The following ARID1B variants were observed in gnomAD, a reference collection of about 807,000 sequenced individuals.
ARID1B encodes the protein AT-rich interactive domain-containing protein 1B.
ARID1B carries 30 observed loss-of-function variants against 212.3 expected under a neutral mutation model. That is an observed-to-expected ratio of 0.14 (90% CI 0.11 to 0.19). The LOEUF (loss-of-function observed/expected upper bound fraction) is 0.19, where lower values mean the gene tolerates loss of function less well. Among genes scored for constraint, ARID1B ranks in the 10% least tolerant of loss-of-function variants. The probability of loss-of-function intolerance (pLI) is 1.00; values close to 1 mark genes in which losing one functional copy is unlikely to be tolerated. For synonymous variants in ARID1B, 1,402 were observed against 1,301.7 expected, an observed-to-expected ratio of 1.08 and a Z score of -1.66; for missense variants, 2,891 against 3,204.0, an observed-to-expected ratio of 0.90 and a Z score of 2.36.
chr6:157,122,959 G>C (rs1426843128), intron 6 of ARID1B, among the ~76,000 whole-genome samples: 2 of 152,188 alleles, frequency 1.3e-5, no homozygotes, highest in South Asian at 2.1e-4. Flanking sequence ...TGGGATTACA[G>C]GCATGAGCCA....
chr6:156,953,512 A>G (rs1793740372), intron 4 of ARID1B, among the ~76,000 whole-genome samples: 1 of 152,212 alleles, frequency 6.6e-6, no homozygotes, highest in Non-Finnish European at 1.5e-5. Flanking sequence ...AAAAAAAGAA[A>G]AAAATCGGAC....
chr6:157,141,338 T>C (rs76147541), intron 7 of ARID1B: 156 of 152,360 alleles, frequency 1.0e-3, no homozygotes, highest in African/African-American at 3.3e-3. Flanking sequence ...ATAATAGGTC[T>C]TTCTCCTTCT....
Position 156,778,839 on chromosome 6 carries a change from C to A in ARID1B, c.1159C>A (p.Pro387Thr). The change falls in exon 1 of 20, where the codon CCC (proline) becomes ACC (threonine). Residue 387 changes from proline to threonine, a missense_variant. Around this residue, in one of 7 missense-constraint regions of ARID1B, gnomAD observed 1,643 missense variants for 1,544.0 expected, o/e 1.06. Coordinates refer to ENST00000636930, the MANE Select transcript of ARID1B (RefSeq NM_001374828.1). ...QCNHYPGYSRPGAGGGGGGGG... is the reference protein window; with the variant it reads ...QCNHYPGYSRTGAGGGGGGGG... ...CAACCATTATCCGGGCTACAGCCGG[C>A]CCGGCGCGGGCGGCGGCGGCGGCGG... The A allele has an allele frequency of 7.1e-7, 1 of 1,416,266 alleles. No individual in the cohort carries two copies. The highest frequency in any genetic ancestry group is 9.2e-7 in the Non-Finnish European group (1 of 1,082,690). 87.7% of individuals were successfully genotyped at this position (1,416,266 alleles called of 1,614,324 possible).
chr6:157,201,419 C>A lies in ARID1B; in HGVS notation c.5194C>A (p.Pro1732Thr), dbSNP rs2128376746. The A allele has an allele frequency of 6.4e-7, 1 of 1,567,396 alleles. No individual in the cohort carries two copies. The highest frequency in any genetic ancestry group is 8.7e-7 in the Non-Finnish European group (1 of 1,153,232). ...PPPIRREITFPPGSVEASQPV... is the reference protein window; with the variant it reads ...PPPIRREITFTPGSVEASQPV... ...CCCAATCAGAAGGGAGATCACCTTT[C>A]CTCCTGGCTCAGTAGAAGCATCACA... is the stretch of plus-strand genomic sequence containing the variant. Residue 1732 changes from proline (P) to threonine (T), a missense_variant, in exon 18 of 20, where the codon CCT (proline) becomes ACT (threonine). Around this residue, in one of 7 missense-constraint regions of ARID1B, gnomAD observed 666 missense variants for 873.5 expected, o/e 0.76. Coordinates refer to ENST00000636930, the MANE Select transcript of ARID1B (RefSeq NM_001374828.1). This position sits in a 1 kb window ranked among gnomAD's most constrained non-coding sequence, Gnocchi z 5.2.
intron 2 of ARID1B, among the ~76,000 whole-genome samples, chr6:156,879,339 C>T (rs1786855806): frequency 6.6e-6 from 1 of 152,224 alleles, no homozygotes; most frequent in East Asian, 1.9e-4. Flanking sequence ...GACAATCACT[C>T]AGCTGTGGAG....
chr6:156,864,352 T>A lies in ARID1B; in HGVS notation c.1986+34931T>A, dbSNP rs1785536874. On this transcript the variant is annotated intron_variant, in intron 2 of 19. Transcript: ENST00000636930. The stretch of plus-strand genomic sequence containing the variant: ...GTGTGCTTCGGGCAGTGAGTATACC[T>A]TCCATGTCTCCCCTGGGCTCTTGGC... Among the ~76,000 whole-genome samples, 5 of 152,234 alleles carry A rather than the reference T, an allele frequency of 3.3e-5. No individual in the cohort carries two copies. In the South Asian group the frequency reaches 1.0e-3, roughly 32 times the overall value.
intron 6 of ARID1B, among the ~76,000 whole-genome samples, chr6:157,130,111 G>C (rs1470324688): frequency 2.0e-5 from 3 of 152,044 alleles, no homozygotes; most frequent in Non-Finnish European, 4.4e-5. Context: ...GGAGGTTGTA[G>C]TGAGATGAGA....
In ARID1B at chr6:156,778,559, G is replaced by T; in HGVS notation, c.879G>T (p.Thr293=). ...YEHPGLGALG[T]QQPPVAVPGG... is the part of the protein sequence containing the mutation. ...ACCCGGGCTTGGGCGCCCTGGGCAC[G>T]CAGCAGCCGCCGGTCGCCGTGCCCG... The change falls in exon 1 of 20, where the codon ACG becomes ACT. Residue 293 remains threonine, a synonymous_variant. Transcript: ENST00000636930. 3 of 1,233,730 alleles carry T rather than the reference G, an allele frequency of 2.4e-6. No homozygotes were observed. The highest frequency in any genetic ancestry group is 3.0e-6 in the Non-Finnish European group (3 of 991,002). The allele number at this position is 1,233,730 out of a possible 1,614,324, so 76.4% of individuals were successfully genotyped here.
In ARID1B at chr6:157,200,956, G is replaced by A. The variant is rs61745210; in HGVS notation, c.4731G>A (p.Ser1577=). Residue 1577 remains serine, a synonymous_variant, in exon 18 of 20, where the codon TCG becomes TCA. Transcript: ENST00000636930. The surrounding 1 kb of genome is among the most constrained non-coding windows in gnomAD (Gnocchi z 4.3). The stretch of plus-strand genomic sequence containing the variant: ...AGATGATGGGCGGCCCGCTGCAGTC[G>A]TCCTCCAGTGAGGGGCCTCAGCAGA... ...PPQMMGGPLQ[S]SSSEGPQQNM... is the part of the protein sequence containing the mutation. 274 of 1,614,040 alleles carry A rather than the reference G, an allele frequency of 1.7e-4. No individual in the cohort carries two copies. The African/African-American group carries it at 2.4e-3, about 14-fold the overall frequency.
intron 3 of ARID1B, among the ~76,000 whole-genome samples, chr6:156,915,223 AT>A (rs1220755010): frequency 6.6e-6 from 1 of 152,230 alleles, no homozygotes; most frequent in Non-Finnish European, 1.5e-5. Context: ...AGATGCATGT[AT>A]GTGAGCAAAC....
In ARID1B at chr6:157,200,698, A is replaced by T; in HGVS notation, c.4480-7A>T. ...ATCAGGATGATTTGTCTTTCTGTGA[A>T]TTCCAGAATTACAAACGCCATATGG... On this transcript the variant is annotated splice_polypyrimidine_tract_variant and splice_region_variant and intron_variant, in intron 17 of 19. Transcript: ENST00000636930. This position sits in a 1 kb window ranked among gnomAD's most constrained non-coding sequence, Gnocchi z 4.3. 1 of 1,588,630 alleles carries T rather than the reference A, an allele frequency of 6.3e-7. No individual in the cohort carries two copies. Among genetic ancestry groups the T allele is most frequent in the Non-Finnish European group, 8.6e-7 (1 of 1,167,550 alleles).
At chr6:156,795,863 A>G (rs1780334061) in intron 1 of ARID1B, among the ~76,000 whole-genome samples, 1 of 151,884 alleles carries the variant, frequency 6.6e-6, no homozygotes, top group Non-Finnish European at 1.5e-5. Flanking sequence ...ATAAAACTAC[A>G]TCTCACAGCT....
chr6:157,179,066 G>A (rs772067222), intron 11 of ARID1B, among the ~76,000 whole-genome samples: 4 of 152,202 alleles, frequency 2.6e-5, no homozygotes, highest in Admixed American at 6.5e-5. Context: ...CAAGAGGGAA[G>A]TTGTTTTACT....
At chr6:157,039,705 C>CT (rs370954473) in intron 4 of ARID1B, among the ~76,000 whole-genome samples, 3 of 78,272 alleles carry the variant, frequency 3.8e-5, no homozygotes, top group African/African-American at 2.1e-4. Context: ...TTCTTTCTTT[C>CT]CTTTCTTTCC....
At chr6:157,176,794 C>T (rs998674128) in intron 11 of ARID1B, among the ~76,000 whole-genome samples, 2 of 152,036 alleles carry the variant, frequency 1.3e-5, no homozygotes, top group East Asian at 3.9e-4. Flanking sequence ...TGCAGTGAGC[C>T]GAGATCGCGC....
intron 3 of ARID1B, among the ~76,000 whole-genome samples, chr6:156,911,277 T>C (rs1789849664): frequency 6.6e-6 from 1 of 151,776 alleles, no homozygotes. Context: ...AAGATGATTT[T>C]AAGAACACCT....
intron 1 of ARID1B, among the ~76,000 whole-genome samples, chr6:156,788,775 TC>T (rs1375087709): frequency 6.6e-6 from 1 of 152,126 alleles, no homozygotes; most frequent in Non-Finnish European, 1.5e-5. Flanking sequence ...AGTACCGGGG[TC>T]CTCCCTCAAA....
chr6:156,872,869 G>T (rs1239962691), intron 2 of ARID1B, among the ~76,000 whole-genome samples: 1 of 152,096 alleles, frequency 6.6e-6, no homozygotes, highest in Non-Finnish European at 1.5e-5. Flanking sequence ...TTGGTGCTTT[G>T]TTTTCCTCCA....
At chr6:157,118,976 A>G (rs1197868840) in intron 6 of ARID1B, among the ~76,000 whole-genome samples, 2 of 152,244 alleles carry the variant, frequency 1.3e-5, no homozygotes, top group Non-Finnish European at 2.9e-5. Flanking sequence ...ATTTGAGAAC[A>G]TCTGGATCTT....
Sources: allele counts gnomAD v4.1 joint callset (sites outside exome capture counted in the v4.1 genomes callset), GRCh38; gene constraint gnomAD v4.1.1; regional missense constraint gnomAD v4.1.1; non-coding constraint Gnocchi (gnomAD v3.1); transcripts MANE v1.5; gene names NCBI Gene and HGNC (gene_info 2026-07-23, HGNC 2026-07-21).